The following NTSR1 variants were observed in gnomAD, a reference collection of about 807,000 sequenced individuals.
The protein encoded by NTSR1 is neurotensin receptor type 1.
Under a neutral mutation model 31.2 loss-of-function variants are expected in NTSR1, and 29 were observed. That is an observed-to-expected ratio of 0.93 (90% CI 0.69 to 1.27). NTSR1 has a LOEUF of 1.27. Ranked by LOEUF, NTSR1 falls within the 50% of genes most tolerant of loss-of-function variation. The pLI, the probability that NTSR1 is intolerant of heterozygous loss-of-function variation, is 0.00. For synonymous variants in NTSR1, 282 were observed against 269.9 expected (o/e 1.04, Z -0.44); for missense variants, 697 against 595.4 (o/e 1.17, Z -1.78).
chr20:62,748,907 G>A (rs886576550), intron 1 of NTSR1, among the ~76,000 whole-genome samples: 13 of 152,140 alleles, frequency 8.5e-5, no homozygotes, highest in African/African-American at 1.9e-4. Flanking sequence ...ATGCCACGGC[G>A]GAACTTTTCC....
intron 1 of NTSR1, among the ~76,000 whole-genome samples, chr20:62,748,046 G>A (rs530483109): frequency 1.8e-4 from 27 of 152,188 alleles, no homozygotes; most frequent in East Asian, 1.9e-4. Flanking sequence ...GTGGTGGTGT[G>A]TGCCTATAAT....
At position 62,760,528 on chromosome 20, in the gene NTSR1, T is replaced by G; in HGVS notation, c.*261T>G. On this transcript the variant is annotated 3_prime_UTR_variant, in exon 4 of 4. Coordinates refer to ENST00000370501, the MANE Select transcript of NTSR1 (RefSeq NM_002531.3). ...AACAAGAGAGCGCTCCTCTCCCAGATAGGAAAAGGGCCTCTAACAAGGAGA... is the reference window on the plus strand; with the variant it reads ...AACAAGAGAGCGCTCCTCTCCCAGAGAGGAAAAGGGCCTCTAACAAGGAGA... The G allele has an allele frequency of 7.5e-6, 3 of 400,398 alleles. No individual in the cohort carries two copies. The highest frequency in any genetic ancestry group is 1.3e-5 in the Non-Finnish European group (3 of 223,152). The allele number at this position is 400,398 out of a possible 1,614,324, so 24.8% of individuals were successfully genotyped here.
chr20:62,755,873 A>C (rs952440462), intron 2 of NTSR1, among the ~76,000 whole-genome samples: 33 of 29,006 alleles, frequency 1.1e-3, no homozygotes, highest in Middle Eastern at 0.024. Flanking sequence ...TCCACCCATC[A>C]TCCCTCCCTC....
chr20:62,732,325 T>C lies in NTSR1; in HGVS notation c.715-22360T>C, dbSNP rs1409962354. On this transcript the variant is annotated intron_variant, in intron 1 of 3. Coordinates refer to ENST00000370501, the MANE Select transcript of NTSR1 (RefSeq NM_002531.3). This position sits in a 1 kb window ranked among gnomAD's most constrained non-coding sequence, Gnocchi z 4.0. ...ACATGGGCTGTAGGTTTTTAGTAGATGTTCTCTACCAAGCTGAGGGAGTTC... is the reference window on the plus strand; with the variant it reads ...ACATGGGCTGTAGGTTTTTAGTAGACGTTCTCTACCAAGCTGAGGGAGTTC... Among the ~76,000 whole-genome samples, 1 of 152,186 alleles carries C rather than the reference T, an allele frequency of 6.6e-6. No homozygotes were observed. Among genetic ancestry groups the C allele is most frequent in the Non-Finnish European group, 1.5e-5 (1 of 68,028 alleles).
At position 62,714,474 on chromosome 20, in the gene NTSR1, A is replaced by G. The variant is rs1239914080; in HGVS notation, c.714+4553A>G. On this transcript the variant is annotated intron_variant, in intron 1 of 3. Transcript: ENST00000370501. The surrounding 1 kb of genome is among the most constrained non-coding windows in gnomAD (Gnocchi z 4.1). ...GTCAGAATACCACCCATCAGGTGCAATCCTCATAAATCAATGGATGTAGGC... is the reference window on the plus strand; with the variant it reads ...GTCAGAATACCACCCATCAGGTGCAGTCCTCATAAATCAATGGATGTAGGC... 6.6e-6 allele frequency among the ~76,000 whole-genome samples: 1 copy of G among 152,202 alleles called. No homozygotes were observed. The highest frequency in any genetic ancestry group is 1.5e-5 in the Non-Finnish European group (1 of 68,040).
At chr20:62,735,188 T>C (rs78889846) in intron 1 of NTSR1, 14,142 of 152,628 alleles carry the variant, frequency 0.093, 1,591 homozygotes, top group East Asian at 0.31. Flanking sequence ...AAACCATGGT[T>C]AGGGGGTGGG....
chr20:62,711,611 G>C lies in NTSR1; in HGVS notation c.714+1690G>C, dbSNP rs1012291631. Among the ~76,000 whole-genome samples, 1 of 81,800 alleles carries C rather than the reference G, an allele frequency of 1.2e-5. No homozygotes were observed. Among genetic ancestry groups the C allele is most frequent in the Non-Finnish European group, 2.3e-5 (1 of 43,428 alleles). The allele number at this position is 81,800 out of a possible 152,430, so 53.7% of individuals were successfully genotyped here. On this transcript the variant is annotated intron_variant, in intron 1 of 3. Transcript: ENST00000370501. This position sits in a 1 kb window ranked among gnomAD's most constrained non-coding sequence, Gnocchi z 6.4. Reference sequence around the variant, plus strand: ...CCCCGATCCCCCCGCTCAGAACCCCGATCCCCCTGCTCCCCTGGCAAAAGG... The same window carrying C: ...CCCCGATCCCCCCGCTCAGAACCCCCATCCCCCTGCTCCCCTGGCAAAAGG...
chr20:62,747,211 T>C (rs944670824), intron 1 of NTSR1, among the ~76,000 whole-genome samples: 2 of 152,126 alleles, frequency 1.3e-5, no homozygotes, highest in African/African-American at 4.8e-5. Context: ...ATAAAAACAC[T>C]CAACAAACTG....
At chr20:62,759,729 C>G (rs111956194) in intron 3 of NTSR1, among the ~76,000 whole-genome samples, 1 of 146,824 alleles carries the variant, frequency 6.8e-6, no homozygotes, top group Non-Finnish European at 1.5e-5. Context: ...GAGCCGAGAT[C>G]GCGCCACTGT....
chr20:62,738,453 C>T (rs539962147), intron 1 of NTSR1, among the ~76,000 whole-genome samples: 1 of 152,380 alleles, frequency 6.6e-6, no homozygotes, highest in East Asian at 1.9e-4. Flanking sequence ...CTAAAAAGGC[C>T]TCAGCTGCCG....
intron 1 of NTSR1, among the ~76,000 whole-genome samples, chr20:62,725,871 A>G (rs1988898201): frequency 6.6e-6 from 1 of 152,044 alleles, no homozygotes; most frequent in South Asian, 2.1e-4. Context: ...AGCAGTGCCC[A>G]GGATCACCCA....
intron 1 of NTSR1, among the ~76,000 whole-genome samples, chr20:62,727,120 C>T (rs767726633): frequency 2.0e-5 from 3 of 152,178 alleles, no homozygotes; most frequent in Non-Finnish European, 2.9e-5. Context: ...CCGCCTCATC[C>T]GCCTGGGAAG....
rs779064214 is a variant in NTSR1 at position 62,709,433 on chromosome 20, G to T, written c.226G>T (p.Val76Leu). 4.3e-6 allele frequency: 7 copies of T among 1,612,162 alleles called. No homozygotes were observed. The African/African-American group carries it at 5.3e-5, about 12-fold the overall frequency. ...CGCCGTGTACCTGGCGCTCTTCGTG[G>T]TGGGCACGGTGGGCAACACGGTGAC... ...VTAVYLALFV[V>L]GTVGNTVTAF... The change falls in exon 1 of 4, where the codon GTG becomes TTG. Residue 76 changes from valine (V) to leucine (L), a missense_variant. By Grantham distance (32) the Val-to-Leu change is conservative. Transcript: ENST00000370501.
chr20:62,719,494 C>T (rs549368493), intron 1 of NTSR1, among the ~76,000 whole-genome samples: 23 of 150,956 alleles, frequency 1.5e-4, no homozygotes, highest in African/African-American at 5.4e-4. Flanking sequence ...CCTCTCGGTA[C>T]ATCGTCATGC....
At chr20:62,739,489 G>C (rs1376764153) in intron 1 of NTSR1, among the ~76,000 whole-genome samples, 1 of 152,252 alleles carries the variant, frequency 6.6e-6, no homozygotes, top group African/African-American at 2.4e-5. Context: ...GAAGCAAGGA[G>C]AGCCAGGTGT....
intron 1 of NTSR1, among the ~76,000 whole-genome samples, chr20:62,730,065 G>A (rs8126011): frequency 1.8e-3 from 280 of 152,210 alleles, no homozygotes; most frequent in African/African-American, 6.4e-3. Context: ...TTGCATTAGT[G>A]TGGTACATTG....
intron 1 of NTSR1, among the ~76,000 whole-genome samples, chr20:62,730,199 A>G (rs1988979212): frequency 6.6e-6 from 1 of 152,168 alleles, no homozygotes; most frequent in African/African-American, 2.4e-5. Flanking sequence ...CTACCATCCC[A>G]GGATCCTGCA....
At chr20:62,757,866 C>T (rs1283764717) in intron 2 of NTSR1, among the ~76,000 whole-genome samples, 6 of 152,002 alleles carry the variant, frequency 3.9e-5, no homozygotes, top group Admixed American at 6.6e-5. Context: ...CCCAAGCCCA[C>T]GTCTCTCCCT....
intron 1 of NTSR1, among the ~76,000 whole-genome samples, chr20:62,729,993 G>A (rs545359223): frequency 1.3e-5 from 2 of 152,184 alleles, no homozygotes; most frequent in South Asian, 2.1e-4. Context: ...ACAGGACAGC[G>A]GCTCCATGGT....
Sources: allele counts gnomAD v4.1 joint callset (sites outside exome capture counted in the v4.1 genomes callset), GRCh38; gene constraint gnomAD v4.1.1; non-coding constraint Gnocchi (gnomAD v3.1); transcripts MANE v1.5; gene names NCBI Gene and HGNC (gene_info 2026-07-23, HGNC 2026-07-21).